BIRC7: variants seen among roughly 807,000 people sequenced by gnomAD.
BIRC7 encodes the protein baculoviral IAP repeat containing 7.
Under a neutral mutation model 33.2 loss-of-function variants are expected in BIRC7, and 26 were observed. The observed-to-expected ratio is 0.78, with a 90% CI of 0.57 to 1.09. BIRC7 has a LOEUF of 1.09. Among genes scored for constraint, BIRC7 ranks in the 50% least tolerant of loss-of-function variants. BIRC7 has a pLI of 0.00. For missense variants in BIRC7, 409 were observed against 401.2 expected, an observed-to-expected ratio of 1.02 and a Z score of -0.17; for synonymous variants, 176 against 171.0, an observed-to-expected ratio of 1.03 and a Z score of -0.23.
At chr20:63,239,257 T>G (rs1320167136) in intron 5 of BIRC7, 24 bp downstream of exon 5, 1 of 1,585,964 alleles carries the variant, frequency 6.3e-7, no homozygotes, top group Non-Finnish European at 8.6e-7. Context: ...ACCCCCTGGG[T>G]GAGGGCTGGG....
rs773543304 is a variant in BIRC7, at chr20:63,239,525, G to A, written c.817G>A (p.Ala273Thr). 1.2e-6 allele frequency: 2 copies of A among 1,605,292 alleles called. No homozygotes were observed. The highest frequency in any genetic ancestry group is 1.1e-5 in the South Asian group (1 of 91,062). ...TGTGCCGTGCGGCCACCTGGTCTGT[G>A]CTGAGTGTGCCCCCGGCCTGCAGCT... The part of the protein sequence containing the change: ...VFVPCGHLVC[A>T]ECAPGLQLCP... The change falls in exon 6 of 7, where the codon GCT becomes ACT. Residue 273 changes from alanine to threonine, a missense_variant. Physicochemically the swap from Ala to Thr is moderately conservative, Grantham distance 58 (BLOSUM62 0). Transcript: ENST00000217169.
intron 2 of BIRC7, 168 bp downstream of exon 2, chr20:63,238,170 G>T: frequency 1.2e-6 from 1 of 851,510 alleles, no homozygotes; most frequent in Non-Finnish European, 1.8e-6. Flanking sequence ...CACTTTTCCT[G>T]TGAGGGCCCC....
Position 63,239,589 on chromosome 20 carries a change from G to A in BIRC7, c.881G>A (p.Arg294His), listed in dbSNP as rs142521563. ...AGAGCCCCCGTCCGCAGCCGCGTGC[G>A]CACCTTCCTGTCCTAGGCCAGGTGA... Reference protein sequence around the residue: ...ICRAPVRSRVRTFLS With the variant: ...ICRAPVRSRVHTFLS Residue 294 changes from arginine to histidine, a missense_variant, in exon 6 of 7, where the codon CGC becomes CAC. Physicochemically the swap from Arg to His is conservative, Grantham distance 29. Transcript: ENST00000217169. 121 of 1,597,242 alleles carry A rather than the reference G, an allele frequency of 7.6e-5. No homozygotes were observed. Among genetic ancestry groups the A allele is most frequent in the African/African-American group, 2.4e-4 (18 of 74,780 alleles).
intron 4 of BIRC7, 49 bp from the exon 5 acceptor site, chr20:63,239,113 A>G (rs1075557): frequency 0.46 from 729,384 of 1,582,104 alleles, 170,061 homozygotes; most frequent in East Asian, 0.55. Context: ...GGGCCGGCCC[A>G]GCTTTCTCCT....
chr20:63,238,728 C>T, intron 4 of BIRC7, 114 bp downstream of exon 4: 1 of 1,407,920 alleles, frequency 7.1e-7, no homozygotes, highest in Non-Finnish European at 9.8e-7. Flanking sequence ...GGGCACGTGA[C>T]AGGGTGTGAC....
intron 3 of BIRC7, 36 bp downstream of exon 3, chr20:63,238,513 G>A: frequency 6.2e-7 from 1 of 1,613,054 alleles, no homozygotes. Context: ...CCGGGTGGCA[G>A]TGGGGTCCTG....
Position 63,236,364 on chromosome 20 carries a change from C to A in BIRC7, c.268C>A (p.Arg90Ser). The A allele has an allele frequency of 6.3e-7, 1 of 1,591,286 alleles. No individual in the cohort carries two copies. Residue 90 changes from arginine (R) to serine (S), a missense_variant, in exon 1 of 7, where the codon CGT becomes AGT. By Grantham distance (110) the Arg-to-Ser change is moderately radical. Transcript: ENST00000217169. Reference protein sequence around the residue: ...AFPGMGSEELRLASFYDWPLT... With the variant: ...AFPGMGSEELSLASFYDWPLT... ...CCCCGGCATGGGCTCTGAGGAGTTG[C>A]GTCTGGCCTCCTTCTATGACTGGCC...
chr20:63,239,187 G>A lies in BIRC7; in HGVS notation c.603G>A (p.Leu201=). 6.2e-7 allele frequency: 1 copy of A among 1,612,828 alleles called. No homozygotes were observed. The highest frequency in any genetic ancestry group is 1.1e-5 in the South Asian group (1 of 91,080). The change falls in exon 5 of 7, where the codon CTG becomes CTA. Residue 201 remains leucine, a synonymous_variant. Transcript: ENST00000217169. ...TCCCTGCCTCTGGGTACCCTGAGCT[G>A]CCCACACCCAGGAGAGAGGTCCAGT... The part of the protein sequence containing the change: ...PSVPASGYPE[L]PTPRREVQSE...
chr20:63,238,008 G>A lies in BIRC7; in HGVS notation c.449+6G>A, dbSNP rs757382043. The A allele has an allele frequency of 6.3e-6, 10 of 1,585,586 alleles. No homozygotes were observed. The highest frequency in any genetic ancestry group is 3.7e-5 in the Admixed American group (2 of 53,802). ...CATGCCAAGTGGTTCCCCAGGTACC[G>A]GCTGCCCCTGCGGGGCCCCGGGTCT... On this transcript the variant is annotated splice_donor_region_variant and intron_variant, in intron 2 of 6. Transcript: ENST00000217169.
Position 63,238,551 on chromosome 20 carries a change from G to GA in BIRC7, c.532-18_532-17insA. The GA allele has an allele frequency of 6.2e-7, 1 of 1,613,168 alleles. No homozygotes were observed. On this transcript the variant is annotated splice_polypyrimidine_tract_variant and intron_variant, in intron 3 of 6. Transcript: ENST00000217169. ...CCTCCTATTTCCCCAAGGCCTGATG[G>GA]TCTCTGGCTCCTTCCAGGACCCGTG...
intron 4 of BIRC7, 91 bp downstream of exon 4, chr20:63,238,705 C>G: frequency 6.6e-7 from 1 of 1,515,554 alleles, no homozygotes; most frequent in South Asian, 1.1e-5. Flanking sequence ...TCCCAGACAG[C>G]AGGGAGAGTG....
Position 63,236,419 on chromosome 20 carries a change from T to G in BIRC7, c.323T>G (p.Leu108Arg). The G allele has an allele frequency of 3.2e-6, 5 of 1,546,466 alleles. No homozygotes were observed. Among genetic ancestry groups the G allele is most frequent in the Non-Finnish European group, 4.4e-6 (5 of 1,144,872 alleles). Residue 108 changes from leucine (L) to arginine (R), a missense_variant, in exon 1 of 7, where the codon CTG becomes CGG. Transcript: ENST00000217169. ...ACTGCTGAGGTGCCACCCGAGCTGCTGGCTGCTGCCGGCTTCTTCCACACA... is the reference window on the plus strand; with the variant it reads ...ACTGCTGAGGTGCCACCCGAGCTGCGGGCTGCTGCCGGCTTCTTCCACACA... ...PLTAEVPPEL[L>R]AAAGFFHTGH...
Position 63,236,412 on chromosome 20 carries a change from G to A in BIRC7, c.316G>A (p.Glu106Lys), listed in dbSNP as rs754589649. Residue 106 changes from glutamate (E) to lysine (K), a missense_variant, in exon 1 of 7, where the codon GAG becomes AAG. By Grantham distance (56) the Glu-to-Lys change is moderately conservative (BLOSUM62 1). Transcript: ENST00000217169. ...DWPLTAEVPPELLAAAGFFHT... is the reference protein window; with the variant it reads ...DWPLTAEVPPKLLAAAGFFHT... ...GCCGCTGACTGCTGAGGTGCCACCC[G>A]AGCTGCTGGCTGCTGCCGGCTTCTT... 30 of 1,549,862 alleles carry A rather than the reference G, an allele frequency of 1.9e-5. No homozygotes were observed. The highest frequency in any genetic ancestry group is 1.4e-4 in the African/African-American group (10 of 73,506).
Position 63,236,242 on chromosome 20 carries a change from A to T in BIRC7, c.146A>T (p.Asp49Val). 1 of 1,600,166 alleles carries T rather than the reference A, an allele frequency of 6.2e-7. No individual in the cohort carries two copies. Among genetic ancestry groups the T allele is most frequent in the Non-Finnish European group, 8.5e-7 (1 of 1,173,190 alleles). ...GGCCTGGACACCTGCAGAGCCTGGGACCACGTGGATGGGCAGATCCTGGGC... is the reference window on the plus strand; with the variant it reads ...GGCCTGGACACCTGCAGAGCCTGGGTCCACGTGGATGGGCAGATCCTGGGC... ...VLGLDTCRAW[D>V]HVDGQILGQL... The change falls in exon 1 of 7, where the codon GAC (aspartate) becomes GTC (valine). Residue 49 changes from aspartate to valine, a missense_variant. By Grantham distance (152) the Asp-to-Val change is radical (BLOSUM62 -3). Coordinates refer to ENST00000217169, the MANE Select transcript of BIRC7 (RefSeq NM_139317.3).
chr20:63,238,161 A>G (rs1476371853), intron 2 of BIRC7, 159 bp downstream of exon 2: 2 of 873,622 alleles, frequency 2.3e-6, no homozygotes, highest in East Asian at 2.7e-5. Flanking sequence ...GCAGGTACCC[A>G]CTTTTCCTGT....
At chr20:63,237,462 A>C (rs1477825506) in intron 1 of BIRC7, among the ~76,000 whole-genome samples, 1 of 152,098 alleles carries the variant, frequency 6.6e-6, no homozygotes, top group Non-Finnish European at 1.5e-5. Flanking sequence ...AAAGGGAGGC[A>C]TGAGTTCCTA....
chr20:63,240,204 A>G (rs1297519401), intron 6 of BIRC7, 52 bp from the exon 7 acceptor site: 1 of 154,404 alleles, frequency 6.5e-6, no homozygotes, highest in Non-Finnish European at 1.4e-5. Context: ...GCCCCTGGCT[A>G]GGTGGGCCCC....
At chr20:63,237,383 G>A (rs899552316) in intron 1 of BIRC7, among the ~76,000 whole-genome samples, 2 of 152,222 alleles carry the variant, frequency 1.3e-5, no homozygotes, top group African/African-American at 2.4e-5. Context: ...GGCAGGTGAC[G>A]TATCGCATGG....
intron 6 of BIRC7, 82 bp downstream of exon 6, chr20:63,239,692 T>TTCCCGGGTG: frequency 6.9e-7 from 1 of 1,459,056 alleles, no homozygotes; most frequent in Non-Finnish European, 9.1e-7. Flanking sequence ...CCTGAACCCA[T>TTCCCGGGTG]GCAGGCCCTT....
Sources: allele counts gnomAD v4.1 joint callset (sites outside exome capture counted in the v4.1 genomes callset), GRCh38; gene constraint gnomAD v4.1.1; transcripts MANE v1.5; gene names NCBI Gene and HGNC (gene_info 2026-07-23, HGNC 2026-07-21).